Variants in SUGCT observed in about 807,000 individuals in gnomAD.
The protein encoded by SUGCT is succinyl-CoA:glutarate-CoA transferase.
SUGCT carries 41 observed loss-of-function variants against 55.0 expected under a neutral mutation model. The observed-to-expected ratio is 0.74, with a 90% CI of 0.58 to 0.97. The LOEUF (loss-of-function observed/expected upper bound fraction) is 0.97, where lower values mean the gene tolerates loss of function less well. SUGCT is among the 50% of genes least tolerant of loss of function. The pLI is 0.00. For synonymous variants in SUGCT, 187 were observed against 200.4 expected (o/e 0.93, Z 0.56); for missense variants, 568 against 547.8 (o/e 1.04, Z -0.37).
At chr7:40,727,055 T>C (rs1199289653) in intron 12 of SUGCT, among the ~76,000 whole-genome samples, 1 of 152,212 alleles carries the variant, frequency 6.6e-6, no homozygotes, top group Non-Finnish European at 1.5e-5. Context: ...ATGACTAATA[T>C]ATTAGTAGTC....
the SUGCT span, among the ~76,000 whole-genome samples, chr7:41,008,749 C>T: frequency 6.6e-6 from 1 of 152,114 alleles, no homozygotes; most frequent in Non-Finnish European, 1.5e-5. Context: ...AGGGCAAATG[C>T]GCCCTTCCCT....
chr7:40,993,752 G>T, the SUGCT span, among the ~76,000 whole-genome samples: 41 of 152,268 alleles, frequency 2.7e-4, no homozygotes, highest in Non-Finnish European at 5.4e-4. Context: ...ACTGGATGCC[G>T]CTCAGAGCTG....
intron 13 of SUGCT, among the ~76,000 whole-genome samples, chr7:40,773,871 G>A (rs930806015): frequency 6.6e-6 from 1 of 152,164 alleles, no homozygotes; most frequent in African/African-American, 2.4e-5. Context: ...CAATCAAATT[G>A]CTCCCAGAGG....
At chr7:40,863,849 C>T (rs1794535331), downstream of SUGCT, among the ~76,000 whole-genome samples, 2 of 151,970 alleles carry the variant, frequency 1.3e-5, no homozygotes, top group South Asian at 4.2e-4. Flanking sequence ...GGATGTCAAT[C>T]TCACTCCTCT....
chr7:40,964,956 G>C, the SUGCT span: 1 of 152,318 alleles, frequency 6.6e-6, no homozygotes. Context: ...TCACAAAAGA[G>C]TTGTCTAAAG....
At chr7:40,164,420 G>C (rs1308414330) in intron 1 of SUGCT, among the ~76,000 whole-genome samples, 1 of 152,086 alleles carries the variant, frequency 6.6e-6, no homozygotes, top group Non-Finnish European at 1.5e-5. Flanking sequence ...GAGCCACTGC[G>C]CCCGGCCTGA....
At chr7:40,896,081 A>G in the SUGCT span, among the ~76,000 whole-genome samples, 1 of 152,192 alleles carries the variant, frequency 6.6e-6, no homozygotes, top group Non-Finnish European at 1.5e-5. Context: ...CATGATTTAT[A>G]TACAGAAAAA....
intron 9 of SUGCT, among the ~76,000 whole-genome samples, chr7:40,383,719 T>C (rs746184150): frequency 6.7e-4 from 102 of 152,086 alleles, no homozygotes; most frequent in Non-Finnish European, 7.6e-4. Context: ...CCGGAGGAAA[T>C]GATAATTGAG....
chr7:40,196,448 A>G (rs773486128), intron 6 of SUGCT, among the ~76,000 whole-genome samples: 2 of 152,222 alleles, frequency 1.3e-5, no homozygotes, highest in Non-Finnish European at 2.9e-5. Flanking sequence ...TTTATATGCT[A>G]GGTTAGGGTG....
intron 12 of SUGCT, among the ~76,000 whole-genome samples, chr7:40,702,514 CT>C (rs1363068299): frequency 1.3e-5 from 2 of 152,170 alleles, no homozygotes; most frequent in East Asian, 3.9e-4. Flanking sequence ...ATCCATCTGC[CT>C]TTTCCTCCTT....
At chr7:40,664,284 G>C (rs542292929) in intron 12 of SUGCT, among the ~76,000 whole-genome samples, 1 of 152,304 alleles carries the variant, frequency 6.6e-6, no homozygotes, top group Non-Finnish European at 1.5e-5. Flanking sequence ...AAAATCTCCA[G>C]GTGATTTTTA....
At chr7:40,701,132 T>G (rs962642709) in intron 12 of SUGCT, among the ~76,000 whole-genome samples, 1 of 152,200 alleles carries the variant, frequency 6.6e-6, no homozygotes, top group Non-Finnish European at 1.5e-5. Context: ...TCCAGAGATT[T>G]TAAATGTGAA....
At position 40,860,504 on chromosome 7, in the gene SUGCT, A is replaced by G. The variant is rs769197921; in HGVS notation, c.*25A>G. ...ACAAAGGAAAAGGGCTCTTCCTCATAACCTCGATCCGAATACACTGGCAAA... is the reference window on the plus strand; with the variant it reads ...ACAAAGGAAAAGGGCTCTTCCTCATGACCTCGATCCGAATACACTGGCAAA... On this transcript the variant is annotated 3_prime_UTR_variant, in exon 14 of 14. Transcript: ENST00000335693. 6.3e-7 allele frequency: 1 copy of G among 1,599,180 alleles called. No homozygotes were observed. Among genetic ancestry groups the G allele is most frequent in the South Asian group, 1.1e-5 (1 of 89,372 alleles).
intron 12 of SUGCT, among the ~76,000 whole-genome samples, chr7:40,640,958 T>C (rs1412812885): frequency 6.6e-6 from 1 of 152,246 alleles, no homozygotes; most frequent in Non-Finnish European, 1.5e-5. Context: ...TTTAAAACTA[T>C]CAGGACATTT....
In SUGCT at chr7:40,439,598, G is replaced by T. The variant is rs7786221; in HGVS notation, c.817-9689G>T. ...TATTCCAGTTGTGTTAACTGGTCCC[G>T]GTGCTACGCCACTGTCTTCAGTGAT... On this transcript the variant is annotated intron_variant, in intron 9 of 13. Coordinates refer to ENST00000335693, the MANE Select transcript of SUGCT (RefSeq NM_001193313.2). Among the ~76,000 whole-genome samples, 456 of 152,174 alleles carry T rather than the reference G, an allele frequency of 3.0e-3. 2 individuals are homozygous for T. The highest frequency in any genetic ancestry group is 1.0e-2 in the African/African-American group (414 of 41,504).
chr7:40,686,296 GT>G (rs1784461291), intron 12 of SUGCT, among the ~76,000 whole-genome samples: 1 of 152,164 alleles, frequency 6.6e-6, no homozygotes, highest in African/African-American at 2.4e-5. Context: ...CCTTGAGCAA[GT>G]TACTTGACCT....
the SUGCT span, among the ~76,000 whole-genome samples, chr7:40,888,880 A>G: frequency 1.3e-5 from 2 of 152,202 alleles, no homozygotes; most frequent in Non-Finnish European, 2.9e-5. Context: ...GGCAGTGTCC[A>G]CTTCTGTTTC....
intron 12 of SUGCT, among the ~76,000 whole-genome samples, chr7:40,717,936 A>C (rs1193871850): frequency 6.6e-6 from 1 of 152,176 alleles, no homozygotes; most frequent in Admixed American, 6.5e-5. Context: ...CTTCTTCTTT[A>C]TTCACATATT....
At chr7:41,021,803 C>G in the SUGCT span, among the ~76,000 whole-genome samples, 49 of 151,912 alleles carry the variant, frequency 3.2e-4, no homozygotes, top group East Asian at 8.9e-3. Context: ...ACAGAGAAAG[C>G]AATTTAAAAC....
Sources: allele counts gnomAD v4.1 joint callset (sites outside exome capture counted in the v4.1 genomes callset), GRCh38; gene constraint gnomAD v4.1.1; transcripts MANE v1.5; gene names NCBI Gene and HGNC (gene_info 2026-07-23, HGNC 2026-07-21).